Variants in TRIM61 observed in about 807,000 individuals in gnomAD.
The protein encoded by TRIM61 is tripartite motif containing 61.
TRIM61 carries 1 observed loss-of-function variant against 14.2 expected under a neutral mutation model. The ratio of observed to expected loss-of-function variants is 0.07; its 90% CI spans 0.03 to 0.33. TRIM61 has a LOEUF of 0.33. Ranked by LOEUF, TRIM61 falls within the 10% of genes least tolerant of loss-of-function variation. The pLI, the probability that TRIM61 is intolerant of heterozygous loss-of-function variation, is 0.99. For missense variants in TRIM61, 19 were observed against 202.2 expected, an observed-to-expected ratio of 0.09 and a Z score of 5.49; for synonymous variants, 8 against 71.6, an observed-to-expected ratio of 0.11 and a Z score of 4.49.
At chr4:164,956,318 A>C (rs1731989535) in intron 3 of TRIM61, among the ~76,000 whole-genome samples, 1 of 152,172 alleles carries the variant, frequency 6.6e-6, no homozygotes, top group Non-Finnish European at 1.5e-5. Flanking sequence ...CGCCCACCTC[A>C]GCCTACCAAA....
At chr4:164,962,389 T>TTGTGTGTGTGTGTGTGTGTG (rs147058101) in intron 3 of TRIM61, among the ~76,000 whole-genome samples, 7 of 146,404 alleles carry the variant, frequency 4.8e-5, no homozygotes, top group African/African-American at 1.5e-4. Flanking sequence ...CCTGGCTAAT[T>TTGTGTGTGTGTGTGTGTGTG]TGTGTGTGTG....
intron 2 of TRIM61, among the ~76,000 whole-genome samples, chr4:164,975,394 C>G (rs1223188509): frequency 6.6e-6 from 1 of 152,198 alleles, no homozygotes; most frequent in Non-Finnish European, 1.5e-5. Context: ...AGAGATCAGA[C>G]TGTCACTGTG....
At chr4:164,967,169 A>C (rs1248831353) in intron 3 of TRIM61, among the ~76,000 whole-genome samples, 1 of 152,214 alleles carries the variant, frequency 6.6e-6, no homozygotes, top group Non-Finnish European at 1.5e-5. Flanking sequence ...TAAATACTTA[A>C]GGACAAATCT....
chr4:164,976,853 C>G (rs1472240315), intron 1 of TRIM61, 28 bp from the exon 2 acceptor site: 1 of 152,114 alleles, frequency 6.6e-6, no homozygotes, highest in Non-Finnish European at 1.5e-5. Context: ...CAAAAAGATC[C>G]ATTAAGATCT....
At chr4:164,973,113 A>C (rs1220541990) in intron 2 of TRIM61, among the ~76,000 whole-genome samples, 1 of 152,206 alleles carries the variant, frequency 6.6e-6, no homozygotes, top group Non-Finnish European at 1.5e-5. Context: ...ACTCAGCCCA[A>C]GACACATGTT....
intron 3 of TRIM61, among the ~76,000 whole-genome samples, chr4:164,963,887 G>C (rs9991678): frequency 6.6e-6 from 1 of 151,848 alleles, no homozygotes; most frequent in South Asian, 2.1e-4. Flanking sequence ...GTCAAAGAGT[G>C]AGTCTCAGGG....
intron 3 of TRIM61, among the ~76,000 whole-genome samples, chr4:164,967,834 T>A (rs190609060): frequency 6.6e-6 from 1 of 150,604 alleles, no homozygotes; most frequent in African/African-American, 2.5e-5. Context: ...ATAAAAACTT[T>A]AGTTAAAAAA....
chr4:164,971,096 A>G lies in TRIM61; in HGVS notation c.-337-757T>C, dbSNP rs542352837. On this transcript the variant is annotated intron_variant, in intron 2 of 4. Transcript: ENST00000329314. ...AGCCCCAGCGACAGAGTGAAACTCT[A>G]TCTCCCCCCTCAAAAAAAATGGGGA... 3.3e-5 allele frequency among the ~76,000 whole-genome samples: 5 copies of G among 152,014 alleles called. No homozygotes were observed. The South Asian group carries it at 1.0e-3, about 32-fold the overall frequency.
intron 3 of TRIM61, among the ~76,000 whole-genome samples, chr4:164,966,250 T>A (rs1732236758): frequency 6.6e-6 from 1 of 152,116 alleles, no homozygotes; most frequent in South Asian, 2.1e-4. Context: ...AGGAAACTGT[T>A]ATAGAAAAAG....
intron 3 of TRIM61, among the ~76,000 whole-genome samples, chr4:164,965,292 A>T (rs980432708): frequency 5.4e-4 from 82 of 152,112 alleles, no homozygotes; most frequent in Non-Finnish European, 9.9e-4. Flanking sequence ...CATCTCAAAA[A>T]AAGACAAAAA....
chr4:164,974,420 G>A (rs1298259484), intron 2 of TRIM61, among the ~76,000 whole-genome samples: 2 of 152,104 alleles, frequency 1.3e-5, no homozygotes, highest in Admixed American at 6.5e-5. Context: ...AGATAGAATC[G>A]AAAATACAGT....
At chr4:164,970,603 C>G (rs990551573) in intron 2 of TRIM61, among the ~76,000 whole-genome samples, 1 of 151,698 alleles carries the variant, frequency 6.6e-6, no homozygotes, top group Admixed American at 6.6e-5. Context: ...AAAAATATTG[C>G]CATTAGAGAA....
chr4:164,962,994 A>G (rs1295534531), intron 3 of TRIM61, among the ~76,000 whole-genome samples: 1 of 152,212 alleles, frequency 6.6e-6, no homozygotes, highest in African/African-American at 2.4e-5. Context: ...AATATATACT[A>G]TAAACCCTAG....
At chr4:164,966,452 G>GT (rs1732239262) in intron 3 of TRIM61, among the ~76,000 whole-genome samples, 1 of 152,070 alleles carries the variant, frequency 6.6e-6, no homozygotes, top group Admixed American at 6.5e-5. Context: ...AAATCCAGAG[G>GT]TATTATTGGA....
chr4:164,962,389 TTGTGTGTGTGTGTGTG>T (rs147058101), intron 3 of TRIM61, among the ~76,000 whole-genome samples: 3 of 146,518 alleles, frequency 2.0e-5, no homozygotes, highest in Non-Finnish European at 4.5e-5. Context: ...CCTGGCTAAT[TTGTGTGTGTGTGTGTG>T]TGTGTGTGTG....
rs1323898838 is a variant in TRIM61, at chr4:164,955,026, G to A, written c.596C>T (p.Pro199Leu). The A allele has an allele frequency of 1.4e-5, 4 of 283,008 alleles. No individual in the cohort carries two copies. The highest frequency in any genetic ancestry group is 4.6e-5 in the African/African-American group (2 of 43,746). The allele number at this position is 283,008 out of a possible 1,614,324, so 17.5% of individuals were successfully genotyped here. ...AGAGGCAGAAGAATCGCTTGATCCCGGGAGGCGGAGGTTGAAGTGAGCCGA... is the reference window on the plus strand; with the variant it reads ...AGAGGCAGAAGAATCGCTTGATCCCAGGAGGCGGAGGTTGAAGTGAGCCGA... The change falls in exon 4 of 5, where the codon CCG (proline) becomes CTG (leucine). Residue 199 changes from proline to leucine, a missense_variant. Coordinates refer to ENST00000329314, the MANE Select transcript of TRIM61 (RefSeq NM_001012414.3).
At position 164,956,167 on chromosome 4, in the gene TRIM61, G is replaced by T. The variant is rs144397804; in HGVS notation, c.526-1071C>A. ...TGCAACCTCAACTCCCCAGGTTCAA[G>T]CGATTCTCCCACCTCAGCCTCCGGA... On this transcript the variant is annotated intron_variant, in intron 3 of 4. Coordinates refer to ENST00000329314, the MANE Select transcript of TRIM61 (RefSeq NM_001012414.3). 7.5e-3 allele frequency among the ~76,000 whole-genome samples: 1,141 copies of T among 152,324 alleles called. 13 individuals carry two copies. The highest frequency in any genetic ancestry group is 0.026 in the African/African-American group (1,076 of 41,572).
intron 3 of TRIM61, chr4:164,969,296 T>C: frequency 6.8e-7 from 1 of 1,469,722 alleles, no homozygotes; most frequent in Non-Finnish European, 9.0e-7. Context: ...GCTCTCTATC[T>C]CCTTTAGTAG....
chr4:164,974,413 T>G (rs1343398384), intron 2 of TRIM61, among the ~76,000 whole-genome samples: 1 of 152,188 alleles, frequency 6.6e-6, no homozygotes, highest in Non-Finnish European at 1.5e-5. Flanking sequence ...TAACTTCAGA[T>G]AGAATCGAAA....
Sources: gnomAD v4.1 joint callset for allele counts (sites outside exome capture counted in the v4.1 genomes callset) on GRCh38, gnomAD v4.1.1 for gene constraint, MANE v1.5 for transcripts, NCBI Gene and HGNC (gene_info 2026-07-23, HGNC 2026-07-21) for gene names.